The following AGPAT4 variants were observed in gnomAD, a reference collection of about 807,000 sequenced individuals.
The protein encoded by AGPAT4 is 1-acyl-sn-glycerol-3-phosphate acyltransferase delta.
Under a neutral mutation model 48.0 loss-of-function variants are expected in AGPAT4, and 15 were observed. That is an observed-to-expected ratio of 0.31 (90% CI 0.21 to 0.48). AGPAT4 has a LOEUF of 0.48. Among genes scored for constraint, AGPAT4 ranks in the 20% least tolerant of loss-of-function variants. AGPAT4 has a pLI of 0.99. For missense variants in AGPAT4, 314 were observed against 482.5 expected (o/e 0.65, Z 3.27); for synonymous variants, 178 against 198.7 (o/e 0.90, Z 0.88).
rs556451316 is a variant in AGPAT4 at position 161,130,947 on chromosome 6, A to G, written c.*5593T>C. On this transcript the variant is annotated 3_prime_UTR_variant, in exon 9 of 9. Transcript: ENST00000320285. Reference sequence around the variant, plus strand: ...GAATGTCCTAGAATGTTTGGCAAAGATCTGGCTAAAACTAGTACTATGGAA... The same window carrying G: ...GAATGTCCTAGAATGTTTGGCAAAGGTCTGGCTAAAACTAGTACTATGGAA... The G allele has an allele frequency of 1.4e-4, 72 of 518,504 alleles. 1 individual carries two copies. The East Asian group carries it at 3.7e-3, about 27-fold the overall frequency. The allele number at this position is 518,504 out of a possible 1,614,324, so 32.1% of individuals were successfully genotyped here.
In AGPAT4 at chr6:161,266,296, A is replaced by T. The variant is rs1486754498; in HGVS notation, c.-90+7642T>A. ...CCCTTGAGGCCCTGGCCAGGAGGCC[A>T]GCGATGAGGCAACCCTGATGACCTG... On this transcript the variant is annotated intron_variant, in intron 1 of 8. Coordinates refer to ENST00000320285, the MANE Select transcript of AGPAT4 (RefSeq NM_020133.3). This position sits in a 1 kb window ranked among gnomAD's most constrained non-coding sequence, Gnocchi z 6.2. 6.6e-6 allele frequency among the ~76,000 whole-genome samples: 1 copy of T among 152,238 alleles called. No homozygotes were observed. Among genetic ancestry groups the T allele is most frequent in the Non-Finnish European group, 1.5e-5 (1 of 68,046 alleles).
At position 161,149,180 on chromosome 6, in the gene AGPAT4, G is replaced by C. The variant is rs752150830; in HGVS notation, c.767+7C>G. On this transcript the variant is annotated splice_region_variant and intron_variant, in intron 6 of 8. Transcript: ENST00000320285. The surrounding 1 kb of genome is among the most constrained non-coding windows in gnomAD (Gnocchi z 6.5). Reference sequence around the variant, plus strand: ...GTCTTTTCTGGAAAGGAAACAGTTCGACTTACCTAACATACAAATCTGCAT... The same window carrying C: ...GTCTTTTCTGGAAAGGAAACAGTTCCACTTACCTAACATACAAATCTGCAT... 5.6e-6 allele frequency: 9 copies of C among 1,610,788 alleles called. No homozygotes were observed. In the African/African-American group the frequency reaches 1.1e-4, roughly 19 times the overall value.
chr6:161,150,987 GA>G (rs1256846131), intron 5 of AGPAT4, among the ~76,000 whole-genome samples: 2 of 152,184 alleles, frequency 1.3e-5, no homozygotes, highest in Non-Finnish European at 2.9e-5. Flanking sequence ...AAGGTGGGGA[GA>G]ACCCACGGGT....
At chr6:161,168,936 G>C (rs964492114) in intron 2 of AGPAT4, among the ~76,000 whole-genome samples, 1 of 152,196 alleles carries the variant, frequency 6.6e-6, no homozygotes, top group African/African-American at 2.4e-5. Flanking sequence ...TGCCGTTAGA[G>C]ATGCTGTGGA....
chr6:161,209,188 C>G (rs940270912), intron 2 of AGPAT4, among the ~76,000 whole-genome samples: 4 of 152,072 alleles, frequency 2.6e-5, no homozygotes, highest in Non-Finnish European at 5.9e-5. Flanking sequence ...ACTCCAGCAC[C>G]CTCTGGAGAA....
At chr6:161,253,081 TG>T (rs1782847462) in intron 1 of AGPAT4, among the ~76,000 whole-genome samples, 1 of 150,790 alleles carries the variant, frequency 6.6e-6, no homozygotes, top group Admixed American at 6.6e-5. Flanking sequence ...GGCATGGTGG[TG>T]GGCACCTGTA....
chr6:161,187,096 G>C (rs1780790963), intron 2 of AGPAT4, among the ~76,000 whole-genome samples: 1 of 152,272 alleles, frequency 6.6e-6, no homozygotes, highest in Middle Eastern at 3.4e-3. Context: ...TGTAAAAATG[G>C]AATAATATGA....
intron 1 of AGPAT4, among the ~76,000 whole-genome samples, chr6:161,239,105 G>A (rs948201426): frequency 6.6e-6 from 1 of 152,160 alleles, no homozygotes; most frequent in African/African-American, 2.4e-5. Flanking sequence ...TTTCTACCAT[G>A]AAGTTCTACA....
chr6:161,181,771 C>A (rs961510762), intron 2 of AGPAT4, among the ~76,000 whole-genome samples: 1 of 152,114 alleles, frequency 6.6e-6, no homozygotes, highest in African/African-American at 2.4e-5. Context: ...ACGTCCGCAC[C>A]ATCAGATGGC....
rs781701667 is a variant in AGPAT4 at position 161,208,011 on chromosome 6, G to C, written c.178+24025C>G. Among the ~76,000 whole-genome samples, 2 of 152,030 alleles carry C rather than the reference G, an allele frequency of 1.3e-5. No individual in the cohort carries two copies. The highest frequency in any genetic ancestry group is 2.9e-5 in the Non-Finnish European group (2 of 68,006). ...CTTTATCTTGGATATTCTTATGAGAGGTAGAACAATGAGAGCTGAGAGAGA... is the reference window on the plus strand; with the variant it reads ...CTTTATCTTGGATATTCTTATGAGACGTAGAACAATGAGAGCTGAGAGAGA... On this transcript the variant is annotated intron_variant, in intron 2 of 8. Coordinates refer to ENST00000320285, the MANE Select transcript of AGPAT4 (RefSeq NM_020133.3). The surrounding 1 kb of genome is among the most constrained non-coding windows in gnomAD (Gnocchi z 4.6).
chr6:161,228,678 G>A (rs1247427546), intron 2 of AGPAT4, among the ~76,000 whole-genome samples: 488 of 61,818 alleles, frequency 7.9e-3, no homozygotes, highest in African/African-American at 0.018. Context: ...AAAAAAAAAA[G>A]CCAGTCTTGG....
Position 161,215,915 on chromosome 6 carries a change from C to T in AGPAT4, c.178+16121G>A, listed in dbSNP as rs1781633757. On this transcript the variant is annotated intron_variant, in intron 2 of 8. Coordinates refer to ENST00000320285, the MANE Select transcript of AGPAT4 (RefSeq NM_020133.3). This position sits in a 1 kb window ranked among gnomAD's most constrained non-coding sequence, Gnocchi z 4.5. ...ACATAGTCAAGTTTATCTATGCCGGCAAGCAAAACTCTTCGCATGCACCCT... is the reference window on the plus strand; with the variant it reads ...ACATAGTCAAGTTTATCTATGCCGGTAAGCAAAACTCTTCGCATGCACCCT... Among the ~76,000 whole-genome samples, 1 of 152,178 alleles carries T rather than the reference C, an allele frequency of 6.6e-6. No homozygotes were observed. The highest frequency in any genetic ancestry group is 2.4e-5 in the African/African-American group (1 of 41,444).
rs1583278899 is a variant in AGPAT4 at position 161,146,462 on chromosome 6, A to G, written c.843+62T>C. ...GGAGAAAGGCCTGCTACCACACAACACAGCCACACGGCGCACCCACAGCTG... is the reference window on the plus strand; with the variant it reads ...GGAGAAAGGCCTGCTACCACACAACGCAGCCACACGGCGCACCCACAGCTG... On this transcript the variant is annotated intron_variant, in intron 7 of 8. Transcript: ENST00000320285. The surrounding 1 kb of genome is among the most constrained non-coding windows in gnomAD (Gnocchi z 7.1). 6.5e-7 allele frequency: 1 copy of G among 1,545,894 alleles called. No individual in the cohort carries two copies. Among genetic ancestry groups the G allele is most frequent in the Non-Finnish European group, 8.9e-7 (1 of 1,124,116 alleles).
rs1200845635 is a variant in AGPAT4, at chr6:161,141,089, T to A, written c.844-1469A>T. ...TCTTTTTCATTCAGGGTGTACTGAA[T>A]CATAGGCTTTCTTGGCCTCTCAGAG... On this transcript the variant is annotated intron_variant, in intron 7 of 8. Transcript: ENST00000320285. This position sits in a 1 kb window ranked among gnomAD's most constrained non-coding sequence, Gnocchi z 6.7. Among the ~76,000 whole-genome samples the A allele has an allele frequency of 3.9e-5, 6 of 152,140 alleles. No individual in the cohort carries two copies. Among genetic ancestry groups the A allele is most frequent in the Non-Finnish European group, 5.9e-5 (4 of 68,016 alleles).
At chr6:161,194,306 T>G (rs1292124709) in intron 2 of AGPAT4, among the ~76,000 whole-genome samples, 2 of 152,176 alleles carry the variant, frequency 1.3e-5, no homozygotes, top group African/African-American at 4.8e-5. Flanking sequence ...CAGTTCTCAT[T>G]GTAATTTGGA....
chr6:161,192,960 T>C (rs547834066), intron 2 of AGPAT4, among the ~76,000 whole-genome samples: 1 of 152,334 alleles, frequency 6.6e-6, no homozygotes, highest in South Asian at 2.1e-4. Flanking sequence ...ATGTCTTGTA[T>C]ATTTTGGTGT....
At chr6:161,265,613 G>A (rs1318848400) in intron 1 of AGPAT4, among the ~76,000 whole-genome samples, 1 of 152,182 alleles carries the variant, frequency 6.6e-6, no homozygotes, top group African/African-American at 2.4e-5. Flanking sequence ...GCAGGTTTGT[G>A]AGTGCCTCTC....
chr6:161,141,580 G>T lies in AGPAT4; in HGVS notation c.844-1960C>A, dbSNP rs201746697. On this transcript the variant is annotated intron_variant, in intron 7 of 8. Transcript: ENST00000320285. This position sits in a 1 kb window ranked among gnomAD's most constrained non-coding sequence, Gnocchi z 6.7. ...AAGGGGGGTGATATTTTTGTGCCTT[G>T]TTTTTTTTTAAAAAAAAAACAGCTT... 1.3e-5 allele frequency among the ~76,000 whole-genome samples: 2 copies of T among 149,444 alleles called. No homozygotes were observed. The highest frequency in any genetic ancestry group is 2.5e-5 in the African/African-American group (1 of 40,236).
At chr6:161,188,371 A>G (rs993307697) in intron 2 of AGPAT4, among the ~76,000 whole-genome samples, 2 of 152,182 alleles carry the variant, frequency 1.3e-5, no homozygotes, top group Non-Finnish European at 2.9e-5. Context: ...ACATTTTTCT[A>G]TCAGACTTGT....
Sources: allele counts gnomAD v4.1 joint callset (sites outside exome capture counted in the v4.1 genomes callset), GRCh38; gene constraint gnomAD v4.1.1; non-coding constraint Gnocchi (gnomAD v3.1); transcripts MANE v1.5; gene names NCBI Gene and HGNC (gene_info 2026-07-23, HGNC 2026-07-21).